The following TPTE variants were observed in gnomAD, a reference collection of about 807,000 sequenced individuals.
TPTE encodes putative tyrosine-protein phosphatase TPTE.
Under a neutral mutation model 84.1 loss-of-function variants are expected in TPTE, and 59 were observed. The observed-to-expected ratio is 0.70, with a 90% CI of 0.57 to 0.87. The LOEUF (loss-of-function observed/expected upper bound fraction) is 0.87, where lower values mean the gene tolerates loss of function less well. Among genes scored for constraint, TPTE ranks in the 40% least tolerant of loss-of-function variants. TPTE has a pLI of 0.00. For synonymous variants in TPTE, 130 were observed against 223.5 expected (o/e 0.58, Z 3.73); for missense variants, 382 against 659.6 (o/e 0.58, Z 4.61).
intron 3 of TPTE, among the ~76,000 whole-genome samples, chr21:10,532,118 A>C: frequency 6.6e-6 from 1 of 152,422 alleles, no homozygotes; most frequent in Middle Eastern, 3.4e-3. Context: ...ATTCTAAAAA[A>C]TTTTGAAAAA....
intron 7 of TPTE, among the ~76,000 whole-genome samples, chr21:10,548,657 C>G (rs1319280573): frequency 2.0e-5 from 3 of 152,308 alleles, no homozygotes; most frequent in Non-Finnish European, 4.4e-5. Flanking sequence ...CCCCTCTTGG[C>G]CAGCCCTGGC....
At chr21:10,525,327 T>C (rs1389223025) in intron 2 of TPTE, among the ~76,000 whole-genome samples, 2 of 152,308 alleles carry the variant, frequency 1.3e-5, no homozygotes, top group African/African-American at 4.8e-5. Flanking sequence ...TAAAGGTGTA[T>C]GAGGGTGGCC....
intron 3 of TPTE, among the ~76,000 whole-genome samples, chr21:10,532,028 C>CT (rs1568952552): frequency 1.3e-5 from 2 of 152,428 alleles, no homozygotes; most frequent in African/African-American, 2.4e-5. Flanking sequence ...ATCCCTACAC[C>CT]TTTTTTTATT....
At chr21:10,541,936 C>G (rs1430900422) in intron 5 of TPTE, among the ~76,000 whole-genome samples, 2 of 152,308 alleles carry the variant, frequency 1.3e-5, no homozygotes, top group Non-Finnish European at 2.9e-5. Flanking sequence ...CTAAAATCAC[C>G]ATCCTATTGG....
chr21:10,539,242 TG>T (rs1390944050), intron 4 of TPTE, among the ~76,000 whole-genome samples: 8 of 152,426 alleles, frequency 5.2e-5, no homozygotes, highest in African/African-American at 1.9e-4. Flanking sequence ...AGTGAAGCCC[TG>T]GGCAGAAAAG....
intron 21 of TPTE, among the ~76,000 whole-genome samples, chr21:10,599,831 G>GTTAGTTAGTTAGTTGTTTCT (rs774194351): frequency 6.3e-5 from 9 of 142,680 alleles, no homozygotes; most frequent in South Asian, 2.9e-4. Context: ...TAGTTAGTTG[G>GTTAGTTAGTTAGTTGTTTCT]TTCTTTCTTT....
intron 17 of TPTE, among the ~76,000 whole-genome samples, chr21:10,581,755 CATG>C (rs2075275189): frequency 6.6e-6 from 1 of 152,312 alleles, no homozygotes; most frequent in Non-Finnish European, 1.5e-5. Context: ...TGTTTTGAGA[CATG>C]ATCTCGCTGT....
intron 3 of TPTE, among the ~76,000 whole-genome samples, chr21:10,529,442 C>G (rs574648957): frequency 6.6e-6 from 1 of 152,426 alleles, no homozygotes; most frequent in East Asian, 1.9e-4. Context: ...TGAGTTAACA[C>G]AAAAGTAGAC....
At chr21:10,594,438 C>T (rs2075542266) in intron 19 of TPTE, among the ~76,000 whole-genome samples, 1 of 152,312 alleles carries the variant, frequency 6.6e-6, no homozygotes. Context: ...CCACCCTTTT[C>T]TCATAATGTT....
rs150733676 is a variant in TPTE, at chr21:10,541,137, G to C, written c.37G>C (p.Val13Leu). The C allele has an allele frequency of 3.6e-4, 573 of 1,612,652 alleles. No homozygotes were observed. The highest frequency in any genetic ancestry group is 4.7e-4 in the Non-Finnish European group (551 of 1,178,794). ...TCCTGATCCGACTGACCTGGCGGGA[G>C]TCATCATTGAGCTCGGCCCCAATGA... ...ESPDPTDLAGVIIELGPNDSP... is the reference protein window; with the variant it reads ...ESPDPTDLAGLIIELGPNDSP... The change falls in exon 5 of 24, where the codon GTC (valine) becomes CTC (leucine). Residue 13 changes from valine to leucine, a missense_variant. Around this residue, in one of 10 missense-constraint regions of TPTE, gnomAD observed 63 missense variants for 49.5 expected, o/e 1.27. Coordinates refer to ENST00000618007, the MANE Select transcript of TPTE (RefSeq NM_199261.4).
At chr21:10,574,796 A>G (rs1376028306) in intron 14 of TPTE, among the ~76,000 whole-genome samples, 1 of 152,312 alleles carries the variant, frequency 6.6e-6, no homozygotes, top group African/African-American at 2.4e-5. Flanking sequence ...CCGTGGATCA[A>G]GAGATCCCCT....
intron 4 of TPTE, among the ~76,000 whole-genome samples, chr21:10,539,568 A>T (rs1201844192): frequency 6.6e-6 from 1 of 152,312 alleles, no homozygotes; most frequent in Admixed American, 6.5e-5. Flanking sequence ...CCAGTGGTAC[A>T]GAGTTTTGGT....
At chr21:10,568,587 C>T (rs1351703876) in intron 11 of TPTE, among the ~76,000 whole-genome samples, 3 of 152,298 alleles carry the variant, frequency 2.0e-5, no homozygotes, top group Admixed American at 2.0e-4. Flanking sequence ...CCTAGCTTCC[C>T]TGGACTACAG....
intron 10 of TPTE, among the ~76,000 whole-genome samples, chr21:10,561,888 C>T (rs1370503608): frequency 2.6e-5 from 4 of 152,174 alleles, no homozygotes; most frequent in Non-Finnish European, 4.4e-5. Context: ...CTTCAGTAAA[C>T]TCCTGCAATA....
chr21:10,597,507 C>A (rs539706702), intron 20 of TPTE, among the ~76,000 whole-genome samples: 1 of 152,110 alleles, frequency 6.6e-6, no homozygotes, highest in South Asian at 2.1e-4. Context: ...CTCTGCCTGC[C>A]GGGTTCAAGC....
intron 14 of TPTE, among the ~76,000 whole-genome samples, chr21:10,576,804 ATTTG>A (rs373867390): frequency 0.1 from 14,675 of 143,304 alleles, 2 homozygotes; most frequent in African/African-American, 0.28. Flanking sequence ...TATAACTACT[ATTTG>A]TTTTTCATTT....
At chr21:10,550,305 A>T (rs1902831971) in intron 7 of TPTE, among the ~76,000 whole-genome samples, 1 of 152,312 alleles carries the variant, frequency 6.6e-6, no homozygotes, top group African/African-American at 2.4e-5. Flanking sequence ...TGGATTAAAA[A>T]ATAAGACCCC....
intron 9 of TPTE, among the ~76,000 whole-genome samples, 179 bp from the exon 10 acceptor site, chr21:10,560,851 G>A (rs1308828599): frequency 6.6e-6 from 1 of 152,308 alleles, no homozygotes; most frequent in Non-Finnish European, 1.5e-5. Flanking sequence ...TCTATTGGGT[G>A]AAAACAGTGA....
chr21:10,585,851 CTT>C (rs1245439067), intron 17 of TPTE, among the ~76,000 whole-genome samples: 2 of 152,300 alleles, frequency 1.3e-5, no homozygotes, highest in Non-Finnish European at 2.9e-5. Flanking sequence ...TTTAATCTAA[CTT>C]TGCAAATTGT....
Sources: gnomAD v4.1 joint callset for allele counts (sites outside exome capture counted in the v4.1 genomes callset) on GRCh38, gnomAD v4.1.1 for gene constraint, gnomAD v4.1.1 regional missense constraint, MANE v1.5 for transcripts, NCBI Gene and HGNC (gene_info 2026-07-23, HGNC 2026-07-21) for gene names.